The following ARIH2 variants were observed in gnomAD, a reference collection of about 807,000 sequenced individuals.
ARIH2 encodes the protein E3 ubiquitin-protein ligase ARIH2.
ARIH2 carries 12 observed loss-of-function variants against 79.8 expected under a neutral mutation model. The ratio of observed to expected loss-of-function variants is 0.15; its 90% CI spans 0.10 to 0.24. ARIH2 has a LOEUF of 0.24. Ranked by LOEUF, ARIH2 falls within the 10% of genes least tolerant of loss-of-function variation. The probability of loss-of-function intolerance (pLI) is 1.00; values close to 1 mark genes in which losing one functional copy is unlikely to be tolerated. For missense variants in ARIH2, 301 were observed against 618.3 expected, an observed-to-expected ratio of 0.49 and a Z score of 5.44; for synonymous variants, 224 against 213.9, an observed-to-expected ratio of 1.05 and a Z score of -0.41.
intron 3 of ARIH2, among the ~76,000 whole-genome samples, chr3:48,956,972 CAAAGTGCTGGGATT>C (rs1278418250): frequency 6.6e-6 from 1 of 151,774 alleles, no homozygotes; most frequent in Non-Finnish European, 1.5e-5. Context: ...CTCGGCCTCC[CAAAGTGCTGGGATT>C]ATAGGCACGA....
intron 11 of ARIH2, among the ~76,000 whole-genome samples, chr3:48,976,489 G>C (rs1022334535): frequency 6.6e-6 from 1 of 152,062 alleles, no homozygotes; most frequent in African/African-American, 2.4e-5. Flanking sequence ...GGGATTACAG[G>C]TGTGAGCCAC....
intron 3 of ARIH2, among the ~76,000 whole-genome samples, chr3:48,939,741 G>T (rs2107188670): frequency 8.8e-6 from 1 of 113,470 alleles, no homozygotes; most frequent in Non-Finnish European, 1.7e-5. Flanking sequence ...CTGGGTGACA[G>T]AGCAAGACTC....
chr3:48,953,644 G>A (rs1221836843), intron 3 of ARIH2, among the ~76,000 whole-genome samples: 1 of 150,924 alleles, frequency 6.6e-6, no homozygotes, highest in African/African-American at 2.4e-5. Flanking sequence ...CTCATGATCC[G>A]CCCACCTGGC....
intron 11 of ARIH2, among the ~76,000 whole-genome samples, chr3:48,976,313 A>C (rs1249097158): frequency 1.3e-5 from 2 of 149,500 alleles, no homozygotes; most frequent in African/African-American, 5.0e-5. Flanking sequence ...TCCTGGGTTC[A>C]AGCGATTCTC....
At position 48,949,482 on chromosome 3, in the gene ARIH2, G is replaced by A. The variant is rs549945113; in HGVS notation, c.256-12130G>A. Among the ~76,000 whole-genome samples the A allele has an allele frequency of 5.3e-5, 8 of 152,274 alleles. No homozygotes were observed. In the South Asian group the frequency reaches 1.0e-3, roughly 20 times the overall value. On this transcript the variant is annotated intron_variant, in intron 3 of 15. Transcript: ENST00000356401. ...TTACATTCCCACTAGCATTATGTAA[G>A]GGTTCCAGTTTCTCTGCTTCCTTGT...
chr3:48,967,260 G>A lies in ARIH2; in HGVS notation c.523G>A (p.Asp175Asn), dbSNP rs1399500675. Reference protein sequence around the residue: ...WEQHCSVLVKDGVGVGVSCMA... With the variant: ...WEQHCSVLVKNGVGVGVSCMA... ...GCAGCACTGCTCAGTTCTCGTCAAGGACGGCGTGGGCGTGGGTGAGTCTGC... is the reference window on the plus strand; with the variant it reads ...GCAGCACTGCTCAGTTCTCGTCAAGAACGGCGTGGGCGTGGGTGAGTCTGC... The change falls in exon 6 of 16, where the codon GAC becomes AAC. Residue 175 changes from aspartate (D) to asparagine (N), a missense_variant. Asp to Asn is a conservative substitution (Grantham distance 23). Around this residue, in one of 2 missense-constraint regions of ARIH2, gnomAD observed 223 missense variants for 349.4 expected, o/e 0.64. Transcript: ENST00000356401. 3 of 1,614,102 alleles carry A rather than the reference G, an allele frequency of 1.9e-6. No homozygotes were observed. Among genetic ancestry groups the A allele is most frequent in the Middle Eastern group, 1.6e-4 (1 of 6,062 alleles).
At chr3:48,943,588 G>C (rs1053058627) in intron 3 of ARIH2, 2 of 151,950 alleles carry the variant, frequency 1.3e-5, no homozygotes, top group Non-Finnish European at 2.9e-5. Flanking sequence ...AAAAATTTCT[G>C]CCCTCAATGG....
chr3:48,927,131 G>C (rs924815645), intron 2 of ARIH2: 5 of 185,410 alleles, frequency 2.7e-5, no homozygotes, highest in Admixed American at 2.1e-4. Context: ...TGCCAGCTGT[G>C]GGGATGTGCT....
At chr3:48,954,207 G>A (rs1041395838) in intron 3 of ARIH2, among the ~76,000 whole-genome samples, 1 of 151,970 alleles carries the variant, frequency 6.6e-6, no homozygotes. Flanking sequence ...TGTAATCCGA[G>A]CACTTTGGGA....
At position 48,967,133 on chromosome 3, in the gene ARIH2, A is replaced by G. The variant is rs776887502; in HGVS notation, c.396A>G (p.Thr132=). 1 of 1,613,564 alleles carries G rather than the reference A, an allele frequency of 6.2e-7. No homozygotes were observed. Among genetic ancestry groups the G allele is most frequent in the East Asian group, 2.2e-5 (1 of 44,854 alleles). The part of the protein sequence containing the change: ...VQPNPSKHVP[T]SHPPHHCAVC... ...GCTCTGTTTCTCTCCAGGTTCCCAC[A>G]TCCCATCCCCCTCACCACTGTGCAG... is the stretch of plus-strand genomic sequence containing the variant. Residue 132 remains threonine, a synonymous_variant, in exon 6 of 16, where the codon ACA becomes ACG. Coordinates refer to ENST00000356401, the MANE Select transcript of ARIH2 (RefSeq NM_006321.4).
At chr3:48,924,238 T>TCCAGCC (rs1559704523) in intron 2 of ARIH2, among the ~76,000 whole-genome samples, 4 of 151,868 alleles carry the variant, frequency 2.6e-5, no homozygotes, top group African/African-American at 9.7e-5. Flanking sequence ...TGAATGATCC[T>TCCAGCC]CCAGCCTCAG....
intron 3 of ARIH2, among the ~76,000 whole-genome samples, chr3:48,928,785 C>T (rs1435660131): frequency 6.6e-6 from 1 of 150,790 alleles, no homozygotes; most frequent in Admixed American, 6.6e-5. Flanking sequence ...AATTTAGATA[C>T]TCAGGTCTTT....
chr3:48,975,943 G>C (rs6446200), intron 11 of ARIH2, among the ~76,000 whole-genome samples: 127,521 of 150,908 alleles, frequency 0.85, 54,351 homozygotes, highest in East Asian at 1. Flanking sequence ...CAGAGTCTCA[G>C]TCTGTCGCCC....
intron 4 of ARIH2, among the ~76,000 whole-genome samples, chr3:48,964,667 T>G (rs954601456): frequency 1.3e-5 from 2 of 152,206 alleles, no homozygotes; most frequent in Non-Finnish European, 2.9e-5. Context: ...CTTTTGACTT[T>G]GGTGTCTTCT....
intron 4 of ARIH2, among the ~76,000 whole-genome samples, chr3:48,964,304 G>C (rs2091565883): frequency 6.7e-6 from 1 of 148,928 alleles, no homozygotes; most frequent in African/African-American, 2.5e-5. Context: ...ACTGCGCCCA[G>C]CCATATATAT....
rs1417632027 is a variant in ARIH2, at chr3:48,920,498, T to C, written c.-162+1500T>C. On this transcript the variant is annotated intron_variant, in intron 1 of 15. Coordinates refer to ENST00000356401, the MANE Select transcript of ARIH2 (RefSeq NM_006321.4). Reference sequence around the variant, plus strand: ...AGAAGCCTGTGAGCAATTTCTTTTTTTTTTTTTTTTTTTGACACGGAGTCT... The same window carrying C: ...AGAAGCCTGTGAGCAATTTCTTTTTCTTTTTTTTTTTTTGACACGGAGTCT... Among the ~76,000 whole-genome samples, 2 of 65,286 alleles carry C rather than the reference T, an allele frequency of 3.1e-5. 1 individual carries two copies. The highest frequency in any genetic ancestry group is 6.1e-5 in the Non-Finnish European group (2 of 33,008). 42.8% of individuals were successfully genotyped at this position (65,286 alleles called of 152,430 possible).
intron 15 of ARIH2, 42 bp from the exon 16 acceptor site, chr3:48,983,157 G>C (rs1249020051): frequency 6.2e-7 from 1 of 1,610,370 alleles, no homozygotes; most frequent in South Asian, 1.1e-5. Context: ...CTTGCTCCCA[G>C]GCCTGGGCCA....
chr3:48,920,301 A>G (rs2084629528), intron 1 of ARIH2, among the ~76,000 whole-genome samples: 1 of 151,706 alleles, frequency 6.6e-6, no homozygotes, highest in African/African-American at 2.4e-5. Context: ...TTTTTTTTGA[A>G]AAAGTGCCCG....
At chr3:48,953,700 A>G (rs956624771) in intron 3 of ARIH2, among the ~76,000 whole-genome samples, 8 of 147,970 alleles carry the variant, frequency 5.4e-5, no homozygotes, top group African/African-American at 1.5e-4. Context: ...ACGCCCAGCC[A>G]TTATTCATTT....
Sources: gnomAD v4.1 joint callset for allele counts (sites outside exome capture counted in the v4.1 genomes callset) on GRCh38, gnomAD v4.1.1 for gene constraint, gnomAD v4.1.1 regional missense constraint, MANE v1.5 for transcripts, NCBI Gene and HGNC (gene_info 2026-07-23, HGNC 2026-07-21) for gene names.